The following CADPS2 variants were observed in gnomAD, a reference collection of about 807,000 sequenced individuals.
CADPS2 encodes calcium dependent secretion activator 2, also known as calcium-dependent secretion activator 2.
CADPS2 carries 93 observed loss-of-function variants against 172.5 expected under a neutral mutation model. The observed-to-expected ratio is 0.54, with a 90% CI of 0.46 to 0.64. The LOEUF is 0.64. CADPS2 is among the 30% of genes least tolerant of loss of function. The pLI, the probability that CADPS2 is intolerant of heterozygous loss-of-function variation, is 0.00. For synonymous variants in CADPS2, 546 were observed against 555.2 expected (o/e 0.98, Z 0.23); for missense variants, 1,420 against 1,565.9 (o/e 0.91, Z 1.57).
chr7:122,462,268 A>C (rs573597328), intron 14 of CADPS2, among the ~76,000 whole-genome samples: 1 of 152,278 alleles, frequency 6.6e-6, no homozygotes, highest in South Asian at 2.1e-4. Flanking sequence ...ACTCTGAACT[A>C]CCTAGGAGGA....
At chr7:122,824,235 T>C (rs1419098891) in intron 1 of CADPS2, among the ~76,000 whole-genome samples, 1 of 152,218 alleles carries the variant, frequency 6.6e-6, no homozygotes, top group Non-Finnish European at 1.5e-5. Flanking sequence ...GCCCATTTCA[T>C]TGATGAAAAG....
intron 3 of CADPS2, among the ~76,000 whole-genome samples, chr7:122,657,095 G>C (rs2079895041): frequency 6.6e-6 from 1 of 152,098 alleles, no homozygotes; most frequent in South Asian, 2.1e-4. Flanking sequence ...TTTTTGTCAG[G>C]TTTGTCAAAG....
chr7:122,779,911 T>A (rs1792233494), intron 1 of CADPS2, among the ~76,000 whole-genome samples: 1 of 152,182 alleles, frequency 6.6e-6, no homozygotes, highest in African/African-American at 2.4e-5. Flanking sequence ...TTGCCTGTGT[T>A]GAATCAAAGA....
intron 3 of CADPS2, among the ~76,000 whole-genome samples, chr7:122,651,260 GA>G (rs5887109): frequency 0.52 from 74,450 of 143,490 alleles, 19,141 homozygotes; most frequent in East Asian, 0.71. Context: ...CTACTAGTTG[GA>G]AAAAAAAAAA....
chr7:122,335,100 T>C (rs2035636343), intron 28 of CADPS2, among the ~76,000 whole-genome samples: 1 of 152,208 alleles, frequency 6.6e-6, no homozygotes, highest in Non-Finnish European at 1.5e-5. Flanking sequence ...ATCTCAACAT[T>C]TCCCACCATT....
chr7:122,677,679 A>C (rs2082529580), intron 2 of CADPS2, among the ~76,000 whole-genome samples: 1 of 152,220 alleles, frequency 6.6e-6, no homozygotes, highest in Non-Finnish European at 1.5e-5. Context: ...CCCAAAAAGC[A>C]TACAGAAGTA....
At chr7:122,713,342 T>C (rs907408866) in intron 2 of CADPS2, among the ~76,000 whole-genome samples, 1 of 152,118 alleles carries the variant, frequency 6.6e-6, no homozygotes, top group African/African-American at 2.4e-5. Flanking sequence ...TTAGGCAACC[T>C]ATCTAAACTC....
intron 2 of CADPS2, among the ~76,000 whole-genome samples, chr7:122,731,836 C>G (rs1423764305): frequency 1.3e-5 from 2 of 151,690 alleles, no homozygotes; most frequent in Non-Finnish European, 3.0e-5. Flanking sequence ...GTCCGTCCCT[C>G]TACCATCATG....
intron 15 of CADPS2, among the ~76,000 whole-genome samples, chr7:122,444,799 AG>A (rs1375197915): frequency 5.9e-5 from 9 of 152,160 alleles, no homozygotes; most frequent in Non-Finnish European, 1.2e-4. Context: ...CTCAATTTTG[AG>A]GAAGTTCAAT....
intron 25 of CADPS2, among the ~76,000 whole-genome samples, chr7:122,374,832 T>C (rs1304904126): frequency 1.3e-5 from 2 of 152,132 alleles, no homozygotes; most frequent in Non-Finnish European, 2.9e-5. Context: ...GTAGCAAAAG[T>C]GCACATTCTG....
intron 28 of CADPS2, among the ~76,000 whole-genome samples, chr7:122,342,241 C>A (rs1348302430): frequency 2.0e-5 from 3 of 152,086 alleles, no homozygotes; most frequent in African/African-American, 7.2e-5. Flanking sequence ...AGATTTTATA[C>A]GGTAAATGGC....
chr7:122,828,646 T>C (rs1252784556), intron 1 of CADPS2, among the ~76,000 whole-genome samples: 1 of 152,220 alleles, frequency 6.6e-6, no homozygotes, highest in Non-Finnish European at 1.5e-5. Context: ...TCCTTCTTCC[T>C]GGTTCTCTAA....
intron 17 of CADPS2, among the ~76,000 whole-genome samples, chr7:122,420,559 C>T (rs1382516029): frequency 1.3e-5 from 2 of 152,204 alleles, no homozygotes; most frequent in African/African-American, 4.8e-5. Context: ...TATTAGATAA[C>T]AAGGTTATCA....
intron 9 of CADPS2, among the ~76,000 whole-genome samples, chr7:122,501,274 A>AT (rs1407046064): frequency 1.3e-5 from 2 of 152,044 alleles, no homozygotes; most frequent in Non-Finnish European, 2.9e-5. Context: ...CAAAAAAAAC[A>AT]TTATTACATA....
intron 9 of CADPS2, among the ~76,000 whole-genome samples, chr7:122,498,588 A>G (rs2058947755): frequency 6.6e-6 from 1 of 151,898 alleles, no homozygotes; most frequent in African/African-American, 2.4e-5. Context: ...CCAATATTCC[A>G]TCATTAATTA....
chr7:122,866,905 C>T (rs1341313312), intron 1 of CADPS2, among the ~76,000 whole-genome samples: 2 of 152,210 alleles, frequency 1.3e-5, no homozygotes, highest in African/African-American at 2.4e-5. Context: ...CTGCATACCT[C>T]TCCAGATGCA....
intron 3 of CADPS2, among the ~76,000 whole-genome samples, chr7:122,632,658 T>G (rs561888239): frequency 3.9e-5 from 6 of 152,236 alleles, no homozygotes; most frequent in Non-Finnish European, 8.8e-5. Context: ...TGGTTGACTC[T>G]GTTGGTAATT....
intron 8 of CADPS2, among the ~76,000 whole-genome samples, chr7:122,538,363 G>GT (rs1183957886): frequency 0.067 from 7,998 of 119,068 alleles, 434 homozygotes; most frequent in African/African-American, 0.17. Context: ...TAGGTTTTTT[G>GT]TTTTTTTTTT....
intron 1 of CADPS2, among the ~76,000 whole-genome samples, chr7:122,884,966 C>A (rs1823929267): frequency 6.6e-6 from 1 of 152,214 alleles, no homozygotes; most frequent in South Asian, 2.1e-4. Flanking sequence ...GTTAATATTT[C>A]AGAAAACTAA....
Sources: allele counts gnomAD v4.1 joint callset (sites outside exome capture counted in the v4.1 genomes callset), GRCh38; gene constraint gnomAD v4.1.1; transcripts MANE v1.5; gene names NCBI Gene and HGNC (gene_info 2026-07-23, HGNC 2026-07-21).